Variants in SH3BGR observed in about 807,000 individuals in gnomAD.
The protein encoded by SH3BGR is SH3 domain binding glutamate rich protein, also known as SH3 domain-binding glutamic acid-rich protein.
SH3BGR carries 29 observed loss-of-function variants against 24.5 expected under a neutral mutation model. That is an observed-to-expected ratio of 1.18 (90% confidence interval 0.88 to 1.61). The LOEUF is 1.61. Among genes scored for constraint, SH3BGR ranks in the 40% most tolerant of loss-of-function variants. The pLI, the probability that SH3BGR is intolerant of heterozygous loss-of-function variation, is 0.00. For missense variants in SH3BGR, 162 were observed against 205.8 expected (o/e 0.79, Z 1.30); for synonymous variants, 55 against 65.7 (o/e 0.84, Z 0.79).
At chr21:39,482,889 C>T (rs552754135) in intron 3 of SH3BGR, among the ~76,000 whole-genome samples, 69 of 152,262 alleles carry the variant, frequency 4.5e-4, no homozygotes, top group African/African-American at 1.3e-3. Context: ...AGGCTGGTCT[C>T]GAACTCCTGA....
chr21:39,454,735 C>A (rs144551764), intron 1 of SH3BGR, among the ~76,000 whole-genome samples: 1 of 152,176 alleles, frequency 6.6e-6, no homozygotes, highest in African/African-American at 2.4e-5. Flanking sequence ...TGAATTAGAT[C>A]GTTGAGTGTC....
At chr21:39,461,868 G>A (rs752290527) in intron 1 of SH3BGR, among the ~76,000 whole-genome samples, 27 of 151,450 alleles carry the variant, frequency 1.8e-4, no homozygotes, top group Admixed American at 6.6e-4. Context: ...TATTTTTTTG[G>A]GATGGAATCT....
intron 3 of SH3BGR, among the ~76,000 whole-genome samples, chr21:39,483,615 G>A (rs970481397): frequency 2.6e-5 from 4 of 152,130 alleles, no homozygotes; most frequent in African/African-American, 4.8e-5. Context: ...GATTTTTAAC[G>A]TTTTCCCAGC....
chr21:39,471,811 G>A (rs74965538), intron 2 of SH3BGR, among the ~76,000 whole-genome samples: 5,438 of 152,136 alleles, frequency 0.036, 117 homozygotes, highest in Middle Eastern at 0.071. Flanking sequence ...TTCTCTTCAC[G>A]TGTGTTTGTT....
intron 3 of SH3BGR, 139 bp downstream of exon 3, chr21:39,475,354 C>G (rs1313008130): frequency 1.9e-6 from 1 of 534,316 alleles, no homozygotes; most frequent in East Asian, 2.9e-5. Context: ...CTGATGCAGT[C>G]CTATGCATAG....
chr21:39,495,435 AG>A (rs2078376733), intron 3 of SH3BGR, among the ~76,000 whole-genome samples: 1 of 151,596 alleles, frequency 6.6e-6, no homozygotes, highest in African/African-American at 2.4e-5. Context: ...GGATACTTTC[AG>A]TTGTACCAAG....
intron 3 of SH3BGR, among the ~76,000 whole-genome samples, chr21:39,493,725 T>C (rs1376572006): frequency 3.9e-5 from 6 of 152,226 alleles, no homozygotes. Flanking sequence ...ATTTTCATAA[T>C]ATTGATTCTA....
chr21:39,490,605 T>A (rs1452338829), intron 3 of SH3BGR, among the ~76,000 whole-genome samples: 6 of 152,258 alleles, frequency 3.9e-5, no homozygotes, highest in African/African-American at 1.4e-4. Flanking sequence ...ATATCTGTAT[T>A]ATATAAAGCT....
At chr21:39,465,664 C>T (rs1486506551) in intron 2 of SH3BGR, among the ~76,000 whole-genome samples, 1 of 152,130 alleles carries the variant, frequency 6.6e-6, no homozygotes, top group Non-Finnish European at 1.5e-5. Flanking sequence ...AATCATAGCT[C>T]ACTGCAGCCT....
At chr21:39,483,708 C>T (rs990986893) in intron 3 of SH3BGR, among the ~76,000 whole-genome samples, 4 of 152,238 alleles carry the variant, frequency 2.6e-5, no homozygotes, top group Middle Eastern at 3.4e-3. Flanking sequence ...AATTTATTTG[C>T]GTACATGCTG....
upstream of SH3BGR, chr21:39,451,801 G>A (rs1053226920): frequency 4.2e-5 from 54 of 1,279,278 alleles, no homozygotes; most frequent in African/African-American, 6.7e-4. Flanking sequence ...GTTGTCGCGC[G>A]TTTAAAGTGA....
chr21:39,479,230 T>TGGTGGTGGAGGTGGTAAG (rs2078080676), intron 3 of SH3BGR, among the ~76,000 whole-genome samples: 1 of 124,722 alleles, frequency 8.0e-6, no homozygotes. Context: ...GTAAGGGTGG[T>TGGTGGTGGAGGTGGTAAG]GGTGGTGGTG....
chr21:39,476,479 G>T (rs1300368409), intron 3 of SH3BGR, among the ~76,000 whole-genome samples: 2 of 152,116 alleles, frequency 1.3e-5, no homozygotes, highest in Non-Finnish European at 2.9e-5. Flanking sequence ...TATTTTGGGG[G>T]AATTTTCCCA....
chr21:39,466,564 T>C (rs1290312510), intron 2 of SH3BGR, among the ~76,000 whole-genome samples: 5 of 152,212 alleles, frequency 3.3e-5, no homozygotes, highest in Non-Finnish European at 7.3e-5. Context: ...TCAGCATGGC[T>C]GGAAAGGCCT....
chr21:39,479,241 G>GGTGGTGGTGA (rs2078082733), intron 3 of SH3BGR, among the ~76,000 whole-genome samples: 3 of 147,476 alleles, frequency 2.0e-5, no homozygotes, highest in African/African-American at 7.4e-5. Context: ...GGTGGTGGTG[G>GGTGGTGGTGA]TGGTGGTGGT....
intron 2 of SH3BGR, among the ~76,000 whole-genome samples, chr21:39,464,454 C>T (rs2077807899): frequency 6.6e-6 from 1 of 152,186 alleles, no homozygotes; most frequent in African/African-American, 2.4e-5. Flanking sequence ...AACTCCTGAC[C>T]TCAGGTGATC....
chr21:39,475,133 A>G lies in SH3BGR; in HGVS notation c.232-2A>G, dbSNP rs1306752810. The G allele has an allele frequency of 3.8e-6, 6 of 1,596,632 alleles. No individual in the cohort carries two copies. In the African/African-American group the frequency reaches 6.7e-5, roughly 18 times the overall value. On this transcript the variant is annotated splice_acceptor_variant, in intron 2 of 6. Transcript: ENST00000333634. LOFTEE classifies it high-confidence loss of function. The stretch of plus-strand genomic sequence containing the variant: ...TTAAACTTTCTTTTTCTTTGCTTCA[A>G]GGATTTTGACTCTTTCTTCTCTGCA...
chr21:39,474,148 T>G (rs576935070), intron 2 of SH3BGR, among the ~76,000 whole-genome samples: 1 of 152,148 alleles, frequency 6.6e-6, no homozygotes, highest in South Asian at 2.1e-4. Flanking sequence ...TTGTATTTTT[T>G]GTAGAGACAG....
At chr21:39,475,352 G>T in intron 3 of SH3BGR, 137 bp downstream of exon 3, 1 of 567,966 alleles carries the variant, frequency 1.8e-6, no homozygotes, top group South Asian at 2.8e-5. Flanking sequence ...TTCTGATGCA[G>T]TCCTATGCAT....
Sources: allele counts gnomAD v4.1 joint callset (sites outside exome capture counted in the v4.1 genomes callset), GRCh38; gene constraint gnomAD v4.1.1; transcripts MANE v1.5; gene names NCBI Gene and HGNC (gene_info 2026-07-23, HGNC 2026-07-21).